The following HAS1 variants were observed in gnomAD, a reference collection of about 807,000 sequenced individuals.
HAS1 encodes the protein HA synthase 1.
Under a neutral mutation model 35.0 loss-of-function variants are expected in HAS1, and 27 were observed. The observed-to-expected ratio is 0.77, with a 90% confidence interval of 0.57 to 1.06. The LOEUF is 1.06. Among genes scored for constraint, HAS1 ranks in the 50% least tolerant of loss-of-function variants. The probability of loss-of-function intolerance (pLI) is 0.00; values close to 1 mark genes in which losing one functional copy is unlikely to be tolerated. For missense variants in HAS1, 940 were observed against 814.8 expected (o/e 1.15, Z -1.87); for synonymous variants, 409 against 371.2 (o/e 1.10, Z -1.17).
rs1309628554 is a variant in HAS1 at position 51,719,222 on chromosome 19, G to A, written c.683C>T (p.Ser228Leu). ...MYTAFKALGD[S>L]VDYVQVCDSD... Reference sequence around the variant, plus strand: ...TCTACTCACCTGCACGTAGTCCACCGAATCTCCGAGCGCCTTGAAGGCTGT... The same window carrying A: ...TCTACTCACCTGCACGTAGTCCACCAAATCTCCGAGCGCCTTGAAGGCTGT... Residue 228 changes from serine to leucine, a missense_variant, in exon 2 of 5, where the codon TCG becomes TTG. Ser to Leu is a moderately radical substitution (Grantham distance 145). Coordinates refer to ENST00000540069, the MANE Select transcript of HAS1 (RefSeq NM_001297436.2). The A allele has an allele frequency of 3.8e-6, 6 of 1,570,232 alleles. No homozygotes were observed. Among genetic ancestry groups the A allele is most frequent in the Admixed American group, 1.9e-5 (1 of 53,916 alleles).
rs78761398 is a variant in HAS1, at chr19:51,717,148, G to A, written c.745C>T (p.Leu249Phe). Residue 249 changes from leucine to phenylalanine, a missense_variant, in exon 3 of 5, where the codon CTC becomes TTC. Transcript: ENST00000540069. Reference sequence around the variant, plus strand: ...GGGTCCTCGTCCAGTACCCGCACGAGCTCCAGCAGTGCCATGGGGTCCAAC... The same window carrying A: ...GGGTCCTCGTCCAGTACCCGCACGAACTCCAGCAGTGCCATGGGGTCCAAC... ...TRLDPMALLE[L>F]VRVLDEDPRV... 185 of 1,613,888 alleles carry A rather than the reference G, an allele frequency of 1.1e-4. No individual in the cohort carries two copies. The African/African-American group carries it at 2.3e-3, about 20-fold the overall frequency.
At chr19:51,714,722 A>G (rs2083575293) in intron 4 of HAS1, among the ~76,000 whole-genome samples, 1 of 136,022 alleles carries the variant, frequency 7.4e-6, no homozygotes, top group Admixed American at 7.7e-5. Context: ...CTCTCATAAG[A>G]CAAGGATACT....
At position 51,723,924 on chromosome 19, in the gene HAS1, C is replaced by CACA. The variant is rs1555794984; in HGVS notation, c.9_9+1insTGT (p.Gln3_Asp4insCys). The CACA allele has an allele frequency of 9.5e-5, 144 of 1,519,006 alleles. No individual in the cohort carries two copies. The highest frequency in any genetic ancestry group is 2.4e-4 in the South Asian group (20 of 83,018). The allele number at this position is 1,519,006 out of a possible 1,614,324, so 94.1% of individuals were successfully genotyped here. On this transcript the variant is annotated inframe_insertion and splice_region_variant. Transcript: ENST00000540069. ...ACACACACACACACACACACACACA[C>CACA]CTGTCTCATCGCAGTGGGTCTGGCC...
At chr19:51,723,735 G>A (rs1351325622) in intron 1 of HAS1, among the ~76,000 whole-genome samples, 190 bp downstream of exon 1, 1 of 152,058 alleles carries the variant, frequency 6.6e-6, no homozygotes, top group East Asian at 1.9e-4. Context: ...TGTATACACA[G>A]ACCTGCACAC....
chr19:51,719,023 T>C (rs892525033), intron 2 of HAS1, among the ~76,000 whole-genome samples, 183 bp downstream of exon 2: 1 of 152,196 alleles, frequency 6.6e-6, no homozygotes, highest in Admixed American at 6.5e-5. Context: ...ATGATCTCCA[T>C]ATTGGATAAA....
At position 51,719,552 on chromosome 19, in the gene HAS1, CG is replaced by C; in HGVS notation, c.352del (p.Arg118AlafsTer82). ...CCGCGCGCGCGGGTACAGCAGGGCG[CG>C]GGCGGACGCCAGGCACTGGCGCAGG... ...AYLRQCLASARALLYPRARLR... is the reference protein window; with the variant it reads ...AYLRQCLASAXALLYPRARLR... On this transcript the variant is annotated frameshift_variant, in exon 2 of 5. Coordinates refer to ENST00000540069, the MANE Select transcript of HAS1 (RefSeq NM_001297436.2). LOFTEE classifies it high-confidence loss of function. 6.5e-7 allele frequency: 1 copy of C among 1,546,286 alleles called. No homozygotes were observed. The highest frequency in any genetic ancestry group is 8.7e-7 in the Non-Finnish European group (1 of 1,145,062).
At chr19:51,717,270 G>A (rs1467037089) in intron 2 of HAS1, 77 bp from the exon 3 acceptor site, 2 of 973,710 alleles carry the variant, frequency 2.1e-6, no homozygotes, top group South Asian at 1.4e-5. Flanking sequence ...ATCAAGGGGT[G>A]CAATGCAGCT....
chr19:51,718,110 G>T, intron 2 of HAS1: 1 of 166,438 alleles, frequency 6.0e-6, no homozygotes. Flanking sequence ...GATGACAGGT[G>T]CCTGTAATAC....
chr19:51,714,250 G>C (rs77957714), intron 4 of HAS1, 148 bp from the exon 5 acceptor site: 1 of 1,285,856 alleles, frequency 7.8e-7, no homozygotes, highest in African/African-American at 1.5e-5. Flanking sequence ...GTAGAATAGG[G>C]TGGATAATGG....
intron 1 of HAS1, among the ~76,000 whole-genome samples, chr19:51,722,625 G>A (rs1417606849): frequency 6.6e-6 from 1 of 152,190 alleles, no homozygotes; most frequent in Non-Finnish European, 1.5e-5. Context: ...TGTGGAGCAT[G>A]AAAAATATGA....
In HAS1 at chr19:51,720,129, G is replaced by GTT. The variant is rs570460188; in HGVS notation, c.10-236_10-235dup. On this transcript the variant is annotated intron_variant, in intron 1 of 4. Coordinates refer to ENST00000540069, the MANE Select transcript of HAS1 (RefSeq NM_001297436.2). ...CCCTTTCTCTCTCCTTTCGTTTTTT[G>GTT]TTTTTTTTTTCTTTTGAGACAGGGT... is the stretch of plus-strand genomic sequence containing the variant. Among the ~76,000 whole-genome samples the GTT allele has an allele frequency of 9.6e-3, 1,344 of 139,788 alleles. 22 individuals carry two copies. The highest frequency in any genetic ancestry group is 0.034 in the African/African-American group (1,279 of 37,878). 91.7% of individuals were successfully genotyped at this position (139,788 alleles called of 152,430 possible). A position where few individuals can be genotyped will look rare whatever the true frequency, so the allele number is the denominator to read the frequency against.
rs534039331 is a variant in HAS1 at position 51,719,948 on chromosome 19, C to A, written c.10-53G>T. On this transcript the variant is annotated intron_variant, in intron 1 of 4. Coordinates refer to ENST00000540069, the MANE Select transcript of HAS1 (RefSeq NM_001297436.2). Reference sequence around the variant, plus strand: ...GGGCATGAGTCCCGGGCGCATGAGCCTCCTCCGAGAGAAGATTAAAAATCC... The same window carrying A: ...GGGCATGAGTCCCGGGCGCATGAGCATCCTCCGAGAGAAGATTAAAAATCC... 28 of 1,194,504 alleles carry A rather than the reference C, an allele frequency of 2.3e-5. No homozygotes were observed. The East Asian group carries it at 7.1e-4, about 30-fold the overall frequency. The allele number at this position is 1,194,504 out of a possible 1,614,324, so 74.0% of individuals were successfully genotyped here. A position where few individuals can be genotyped will look rare whatever the true frequency, so the allele number is the denominator to read the frequency against.
chr19:51,716,867 G>A, intron 3 of HAS1, 101 bp downstream of exon 3: 1 of 826,080 alleles, frequency 1.2e-6, no homozygotes, highest in Non-Finnish European at 2.1e-6. Flanking sequence ...CTGCCCTGCT[G>A]CATCTTTGTT....
rs760115520 is a variant in HAS1, at chr19:51,713,689, C to G, written c.1472G>C (p.Gly491Ala). The change falls in exon 5 of 5, where the codon GGC becomes GCC. Residue 491 changes from glycine to alanine, a missense_variant. Coordinates refer to ENST00000540069, the MANE Select transcript of HAS1 (RefSeq NM_001297436.2). This position sits in a 1 kb window ranked among gnomAD's most constrained non-coding sequence, Gnocchi z 4.5. ...TMNQSGWGTS[G>A]RRKLAANYVP... ...GTAGTTAGCGGCCAGCTTCCGCCGGCCCGAGGTGCCCCAGCCACTCTGGTT... is the reference window on the plus strand; with the variant it reads ...GTAGTTAGCGGCCAGCTTCCGCCGGGCCGAGGTGCCCCAGCCACTCTGGTT... The G allele has an allele frequency of 3.8e-6, 6 of 1,591,296 alleles. No homozygotes were observed. The highest frequency in any genetic ancestry group is 5.1e-6 in the Non-Finnish European group (6 of 1,170,392).
In HAS1 at chr19:51,719,601, C is replaced by T. The variant is rs748532709; in HGVS notation, c.304G>A (p.Ala102Thr). 8.7e-5 allele frequency: 134 copies of T among 1,540,578 alleles called. No individual in the cohort carries two copies. The highest frequency in any genetic ancestry group is 1.1e-4 in the Non-Finnish European group (127 of 1,143,310). ...TARSVALTISAYQEDPAYLRQ... is the reference protein window; with the variant it reads ...TARSVALTISTYQEDPAYLRQ... ...AGGTACGCGGGGTCCTCCTGGTAGG[C>T]GGAGATGGTCAGCGCCACACTGCGC... is the stretch of plus-strand genomic sequence containing the variant. Residue 102 changes from alanine (A) to threonine (T), a missense_variant, in exon 2 of 5, where the codon GCC (alanine) becomes ACC (threonine). By Grantham distance (58) the Ala-to-Thr change is moderately conservative (BLOSUM62 0). Coordinates refer to ENST00000540069, the MANE Select transcript of HAS1 (RefSeq NM_001297436.2).
At chr19:51,720,072 C>T (rs966978836) in intron 1 of HAS1, 177 bp from the exon 2 acceptor site, 3 of 555,940 alleles carry the variant, frequency 5.4e-6, no homozygotes, top group East Asian at 3.3e-5. Context: ...GTGTCTGTCT[C>T]GCTGTCTCTC....
At chr19:51,716,869 A>T (rs2083589932) in intron 3 of HAS1, 99 bp downstream of exon 3, 3 of 842,210 alleles carry the variant, frequency 3.6e-6, no homozygotes, top group African/African-American at 3.3e-5. Context: ...GCCCTGCTGC[A>T]TCTTTGTTCC....
intron 1 of HAS1, among the ~76,000 whole-genome samples, 156 bp downstream of exon 1, chr19:51,723,769 C>T (rs904588541): frequency 2.0e-5 from 3 of 152,094 alleles, no homozygotes; most frequent in African/African-American, 4.8e-5. Flanking sequence ...CTCACTGTCC[C>T]CTACACACAT....
intron 1 of HAS1, among the ~76,000 whole-genome samples, chr19:51,722,552 A>G (rs1159953529): frequency 6.6e-6 from 1 of 152,244 alleles, no homozygotes; most frequent in African/African-American, 2.4e-5. Flanking sequence ...TGCAGCCTGC[A>G]GGCTAAGAAT....
Sources: gnomAD v4.1 joint callset for allele counts (sites outside exome capture counted in the v4.1 genomes callset) on GRCh38, gnomAD v4.1.1 for gene constraint, Gnocchi (gnomAD v3.1) non-coding constraint, MANE v1.5 for transcripts, NCBI Gene and HGNC (gene_info 2026-07-23, HGNC 2026-07-21) for gene names.